The following CNOT6 variants were observed in gnomAD, a reference collection of about 807,000 sequenced individuals.
CNOT6 encodes the protein carbon catabolite repression 4 protein.
In CNOT6, 12 loss-of-function variants were observed where a neutral mutation model predicts 61.2. The observed-to-expected ratio is 0.20, with a 90% CI of 0.13 to 0.32. The LOEUF (loss-of-function observed/expected upper bound fraction) is 0.32. Among genes scored for constraint, CNOT6 ranks in the 10% least tolerant of loss-of-function variants. The pLI, the probability that CNOT6 is intolerant of heterozygous loss-of-function variation, is 1.00. For missense variants in CNOT6, 405 were observed against 663.9 expected, an observed-to-expected ratio of 0.61 and a Z score of 4.28; for synonymous variants, 225 against 240.6, an observed-to-expected ratio of 0.94 and a Z score of 0.60.
chr5:180,524,821 T>C (rs1472336976), intron 1 of CNOT6, among the ~76,000 whole-genome samples: 1 of 152,232 alleles, frequency 6.6e-6, no homozygotes, highest in Non-Finnish European at 1.5e-5. Flanking sequence ...CAGAGCAATT[T>C]CTTACCATTA....
chr5:180,551,193 A>C (rs922360503), intron 3 of CNOT6, among the ~76,000 whole-genome samples: 4 of 151,970 alleles, frequency 2.6e-5, no homozygotes, highest in African/African-American at 4.8e-5. Context: ...AAAAAAAAAA[A>C]AAATCCCCAG....
At chr5:180,519,578 A>G (rs535900858) in intron 1 of CNOT6, among the ~76,000 whole-genome samples, 3 of 152,322 alleles carry the variant, frequency 2.0e-5, no homozygotes, top group African/African-American at 7.2e-5. Context: ...TTAAATGTAT[A>G]ATTTGAGTCT....
chr5:180,524,589 G>C (rs1034067499), intron 1 of CNOT6, among the ~76,000 whole-genome samples: 1 of 152,128 alleles, frequency 6.6e-6, no homozygotes, highest in Non-Finnish European at 1.5e-5. Context: ...AACCAAGAAA[G>C]GGAATGGTTG....
At chr5:180,533,849 G>A (rs968427221) in intron 2 of CNOT6, among the ~76,000 whole-genome samples, 2 of 152,138 alleles carry the variant, frequency 1.3e-5, no homozygotes, top group Non-Finnish European at 1.5e-5. Context: ...ACACCAAGGA[G>A]ATTATTTGGA....
Position 180,524,180 on chromosome 5 carries a change from C to A in CNOT6, c.-2-5095C>A, listed in dbSNP as rs139519790. Among the ~76,000 whole-genome samples the A allele has an allele frequency of 5.5e-4, 83 of 152,164 alleles. 1 individual carries two copies. In the East Asian group the frequency reaches 0.01, roughly 18 times the overall value. Reference sequence around the variant, plus strand: ...TGGCCTAGCTATTTTAAAAAAAATTCTTTTGTAATTCTTGAAAGTTTTCAG... The same window carrying A: ...TGGCCTAGCTATTTTAAAAAAAATTATTTTGTAATTCTTGAAAGTTTTCAG... On this transcript the variant is annotated intron_variant, in intron 1 of 11. Transcript: ENST00000261951.
At chr5:180,569,805 A>G (rs192288934) in intron 10 of CNOT6, among the ~76,000 whole-genome samples, 1 of 152,336 alleles carries the variant, frequency 6.6e-6, no homozygotes, top group East Asian at 1.9e-4. Context: ...CATATCAGTC[A>G]AGCGATTTTG....
At chr5:180,561,547 A>G (rs938944583) in intron 4 of CNOT6, among the ~76,000 whole-genome samples, 7 of 152,120 alleles carry the variant, frequency 4.6e-5, no homozygotes, top group African/African-American at 1.7e-4. Context: ...AGCTATTTTC[A>G]TTTGAAACTG....
chr5:180,547,678 T>C (rs559399602), intron 2 of CNOT6, among the ~76,000 whole-genome samples: 17 of 152,188 alleles, frequency 1.1e-4, no homozygotes, highest in Non-Finnish European at 1.9e-4. Flanking sequence ...TTGGTTAAGA[T>C]GTACATGTAA....
chr5:180,562,333 G>A (rs1400815981), intron 4 of CNOT6, among the ~76,000 whole-genome samples: 1 of 151,954 alleles, frequency 6.6e-6, no homozygotes, highest in East Asian at 1.9e-4. Flanking sequence ...TTACTTTTTT[G>A]TTCTTTCTCA....
intron 3 of CNOT6, among the ~76,000 whole-genome samples, chr5:180,551,871 T>C (rs1581544973): frequency 6.6e-6 from 1 of 151,712 alleles, no homozygotes; most frequent in African/African-American, 2.4e-5. Context: ...TTTTTCTTTT[T>C]CTTTTTTTTT....
intron 4 of CNOT6, among the ~76,000 whole-genome samples, chr5:180,562,682 G>T (rs1419587423): frequency 6.6e-6 from 1 of 152,164 alleles, no homozygotes; most frequent in Non-Finnish European, 1.5e-5. Context: ...GGAGCTTGCG[G>T]TGAGCCGAGA....
chr5:180,538,094 A>T (rs1286598407), intron 2 of CNOT6, among the ~76,000 whole-genome samples: 1 of 137,472 alleles, frequency 7.3e-6, no homozygotes, highest in Non-Finnish European at 1.5e-5. Flanking sequence ...GCTGGAGTGC[A>T]GTGGCTGGAT....
At chr5:180,518,990 GC>G (rs1445425926) in intron 1 of CNOT6, among the ~76,000 whole-genome samples, 6 of 152,222 alleles carry the variant, frequency 3.9e-5, no homozygotes, top group Non-Finnish European at 8.8e-5. Flanking sequence ...GGGATTACAG[GC>G]GTGAGCCATA....
At position 180,549,980 on chromosome 5, in the gene CNOT6, A is replaced by T. The variant is rs201226463; in HGVS notation, c.162A>T (p.Thr54=). 6.2e-7 allele frequency: 1 copy of T among 1,614,120 alleles called. No individual in the cohort carries two copies. Reference sequence around the variant, plus strand: ...CTTTGTGGTCACTAACTCACCTGACAGCTTTGCATTTGAGTGACAATTCCC... The same window carrying T: ...CTTTGTGGTCACTAACTCACCTGACTGCTTTGCATTTGAGTGACAATTCCC... ...SASLWSLTHL[T]ALHLSDNSLS... is the part of the protein sequence containing the mutation. The change falls in exon 3 of 12, where the codon ACA becomes ACT. Residue 54 remains threonine, a synonymous_variant. Coordinates refer to ENST00000261951, the MANE Select transcript of CNOT6 (RefSeq NM_001370472.1).
intron 1 of CNOT6, chr5:180,495,781 T>C (rs1756584912): frequency 6.6e-6 from 1 of 152,246 alleles, no homozygotes; most frequent in Non-Finnish European, 1.5e-5. Context: ...TTGTATTTTT[T>C]ACAATATACT....
At chr5:180,572,715 C>CTT (rs35597068) in intron 11 of CNOT6, among the ~76,000 whole-genome samples, 56 of 148,728 alleles carry the variant, frequency 3.8e-4, no homozygotes, top group Non-Finnish European at 6.9e-4. Flanking sequence ...ATACCCAGAT[C>CTT]TTTTTTTTTT....
At chr5:180,551,181 CAA>C (rs777072557) in intron 3 of CNOT6, among the ~76,000 whole-genome samples, 6 of 109,674 alleles carry the variant, frequency 5.5e-5, no homozygotes, top group East Asian at 2.5e-4. Context: ...CTGGTCTCTA[CAA>C]AAAAAAAAAA....
intron 5 of CNOT6, 36 bp downstream of exon 5, chr5:180,564,629 A>G: frequency 6.2e-7 from 1 of 1,607,270 alleles, no homozygotes; most frequent in Non-Finnish European, 8.5e-7. Flanking sequence ...TTTATTAGGA[A>G]GACGTGTAAG....
At position 180,529,224 on chromosome 5, in the gene CNOT6, C is replaced by A. The variant is rs550957831; in HGVS notation, c.-2-51C>A. 3.7e-5 allele frequency: 26 copies of A among 697,200 alleles called. No homozygotes were observed. The East Asian group carries it at 6.5e-4, about 17-fold the overall frequency. The allele number at this position is 697,200 out of a possible 1,614,324, so 43.2% of individuals were successfully genotyped here. A position where few individuals can be genotyped will look rare whatever the true frequency, so the allele number is the denominator to read the frequency against. ...AAAAAAAAAAAAAAAGGTGTTGTGGCTTTTGTTTATTTGATTTTTTAGAAT... is the reference window on the plus strand; with the variant it reads ...AAAAAAAAAAAAAAAGGTGTTGTGGATTTTGTTTATTTGATTTTTTAGAAT... On this transcript the variant is annotated intron_variant, in intron 1 of 11. Coordinates refer to ENST00000261951, the MANE Select transcript of CNOT6 (RefSeq NM_001370472.1).
Sources: allele counts gnomAD v4.1 joint callset (sites outside exome capture counted in the v4.1 genomes callset), GRCh38; gene constraint gnomAD v4.1.1; transcripts MANE v1.5; gene names NCBI Gene and HGNC (gene_info 2026-07-23, HGNC 2026-07-21).